ZNF701: variants seen among roughly 807,000 people sequenced by gnomAD.
ZNF701 encodes zinc finger protein 701.
ZNF701 carries 6 observed loss-of-function variants against 7.1 expected under a neutral mutation model. The ratio of observed to expected loss-of-function variants is 0.84; its 90% confidence interval spans 0.46 to 1.66. ZNF701 has a LOEUF of 1.66. ZNF701 is among the 40% of genes most tolerant of loss of function. ZNF701 has a pLI of 0.01. For missense variants in ZNF701, 541 were observed against 559.2 expected (o/e 0.97, Z 0.33); for synonymous variants, 166 against 188.2 (o/e 0.88, Z 0.97).
chr19:52,597,346 G>A, the ZNF701 span: 2 of 540,048 alleles, frequency 3.7e-6, no homozygotes, highest in South Asian at 1.4e-5. Flanking sequence ...TCTTACAAAT[G>A]TCTTAAGTGT....
At position 52,582,632 on chromosome 19, in the gene ZNF701, G is replaced by A. The variant is rs2059982988; in HGVS notation, c.573G>A (p.Lys191=). The A allele has an allele frequency of 6.2e-7, 1 of 1,613,974 alleles. No homozygotes were observed. Among genetic ancestry groups the A allele is most frequent in the Admixed American group, 1.7e-5 (1 of 59,994 alleles). The part of the protein sequence containing the change: ...SCRPKTRISN[K]YRNNFLQSSL... ...GGCCAAAAACTCGTATTTCTAATAA[G>A]TATAGGAATAATTTCCTCCAGTCTT... The change falls in exon 4 of 4, where the codon AAG becomes AAA. Residue 191 remains lysine (K), a synonymous_variant. Coordinates refer to ENST00000391785, the MANE Select transcript of ZNF701 (RefSeq NM_018260.3).
rs1316728152 is a variant in ZNF701 at position 52,582,450 on chromosome 19, G to C, written c.391G>C (p.Ala131Pro). Residue 131 changes from alanine (A) to proline (P), a missense_variant, in exon 4 of 4, where the codon GCT (alanine) becomes CCT (proline). By Grantham distance (27) the Ala-to-Pro change is conservative (BLOSUM62 -1). Coordinates refer to ENST00000391785, the MANE Select transcript of ZNF701 (RefSeq NM_018260.3). ...SSTERHDQRH[A>P]GNKPIKNELG... ...TACAGAGCGACATGATCAAAGGCAT[G>C]CTGGAAACAAACCTATTAAAAATGA... 1.4e-5 allele frequency: 22 copies of C among 1,614,042 alleles called. No homozygotes were observed. The highest frequency in any genetic ancestry group is 1.8e-5 in the Non-Finnish European group (21 of 1,180,032).
intron 2 of ZNF701, among the ~76,000 whole-genome samples, chr19:52,574,898 A>G (rs1045324000): frequency 2.0e-5 from 3 of 152,164 alleles, no homozygotes; most frequent in African/African-American, 4.8e-5. Flanking sequence ...GCAGCTGCCA[A>G]ATTATCCTTT....
intron 3 of ZNF701, among the ~76,000 whole-genome samples, chr19:52,581,992 A>G (rs559856884): frequency 1.1e-3 from 164 of 152,316 alleles, no homozygotes; most frequent in African/African-American, 3.8e-3. Context: ...TCGTCATGAT[A>G]TTGGAAATAG....
chr19:52,599,891 C>A, the ZNF701 span, among the ~76,000 whole-genome samples: 7 of 152,260 alleles, frequency 4.6e-5, no homozygotes, highest in East Asian at 1.4e-3. Context: ...GTTTCTCCCC[C>A]TCCCTCAGGA....
At chr19:52,577,829 C>T (rs1568502548) in intron 3 of ZNF701, among the ~76,000 whole-genome samples, 1 of 152,082 alleles carries the variant, frequency 6.6e-6, no homozygotes, top group Non-Finnish European at 1.5e-5. Flanking sequence ...CTAAACCCCT[C>T]CCTGTGGTGC....
At chr19:52,589,531 G>A (rs925976129), downstream of ZNF701, among the ~76,000 whole-genome samples, 6 of 149,790 alleles carry the variant, frequency 4.0e-5, no homozygotes, top group Admixed American at 1.3e-4. Flanking sequence ...CCAGGCTGGA[G>A]TGTAATGGCA....
chr19:52,599,472 G>T, the ZNF701 span, among the ~76,000 whole-genome samples: 1 of 152,150 alleles, frequency 6.6e-6, no homozygotes, highest in African/African-American at 2.4e-5. Context: ...TAATTAAGAA[G>T]ACTAAGTAGC....
downstream of ZNF701, among the ~76,000 whole-genome samples, chr19:52,589,827 T>A (rs192443864): frequency 2.0e-5 from 3 of 152,296 alleles, no homozygotes; most frequent in South Asian, 6.2e-4. Flanking sequence ...GAAGTCTTGC[T>A]CTGTTGCCAG....
the ZNF701 span, chr19:52,596,056 T>C: frequency 9.8e-6 from 13 of 1,328,322 alleles, no homozygotes; most frequent in Non-Finnish European, 1.4e-5. Context: ...ATGGGAAGAA[T>C]TTCCTCTATT....
At chr19:52,596,008 A>C in the ZNF701 span, 2 of 1,575,108 alleles carry the variant, frequency 1.3e-6, no homozygotes, top group African/African-American at 1.3e-5. Flanking sequence ...CAACATCCCA[A>C]ATAATTTGTA....
chr19:52,571,613 A>T (rs2059900527), intron 1 of ZNF701, among the ~76,000 whole-genome samples: 1 of 149,670 alleles, frequency 6.7e-6, no homozygotes, highest in Non-Finnish European at 1.5e-5. Context: ...ACCCGCCTCG[A>T]CCTCCCAAAG....
chr19:52,577,975 C>A (rs2059946774), intron 3 of ZNF701, among the ~76,000 whole-genome samples: 2 of 152,012 alleles, frequency 1.3e-5, no homozygotes, highest in African/African-American at 4.8e-5. Context: ...CATAGAAGAG[C>A]CGGGCGCAGT....
At chr19:52,580,483 C>G (rs1321907260) in intron 3 of ZNF701, among the ~76,000 whole-genome samples, 1 of 152,018 alleles carries the variant, frequency 6.6e-6, no homozygotes, top group Admixed American at 6.6e-5. Flanking sequence ...CCTCAGACCC[C>G]CAAAGTGCTG....
At chr19:52,599,841 A>T in the ZNF701 span, among the ~76,000 whole-genome samples, 1 of 152,260 alleles carries the variant, frequency 6.6e-6, no homozygotes, top group Middle Eastern at 3.4e-3. Context: ...CCCTGTCGCC[A>T]TGTTGTAAAA....
intron 2 of ZNF701, 78 bp downstream of exon 2, chr19:52,574,240 G>T: frequency 1.3e-6 from 2 of 1,579,272 alleles, no homozygotes. Context: ...AATCTTCTCT[G>T]AGTCTCAAGT....
chr19:52,583,423 G>A lies in ZNF701; in HGVS notation c.1364G>A (p.Arg455His), dbSNP rs373732726. 1.9e-5 allele frequency: 30 copies of A among 1,613,206 alleles called. No individual in the cohort carries two copies. The highest frequency in any genetic ancestry group is 2.2e-5 in the East Asian group (1 of 44,846). Residue 455 changes from arginine to histidine, a missense_variant, in exon 4 of 4, where the codon CGT (arginine) becomes CAT (histidine). Transcript: ENST00000391785. The stretch of plus-strand genomic sequence containing the variant: ...TTTAATCGAAAATCAAACCTTGAAC[G>A]TCATCATAGACTTCATACTGGAAAG... ...KVFNRKSNLE[R>H]HHRLHTGKKS
rs1280110796 is a variant in ZNF701, at chr19:52,585,887, G to A, written c.*2430G>A. The A allele has an allele frequency of 6.6e-6, 1 of 152,326 alleles. No homozygotes were observed. The highest frequency in any genetic ancestry group is 2.4e-5 in the African/African-American group (1 of 41,480). The allele number at this position is 152,326 out of a possible 1,614,324, so 9.4% of individuals were successfully genotyped here. A position where few individuals can be genotyped will look rare whatever the true frequency, so the allele number is the denominator to read the frequency against. On this transcript the variant is annotated 3_prime_UTR_variant, in exon 4 of 4. Transcript: ENST00000391785. ...TTTCCACCTGCGACCTGGTGGAAGG[G>A]GGAGGGTGTTAGGGAGAGTAGCCTT...
At chr19:52,571,418 G>GCA (rs1403313147) in intron 1 of ZNF701, among the ~76,000 whole-genome samples, 1 of 152,142 alleles carries the variant, frequency 6.6e-6, no homozygotes, top group East Asian at 1.9e-4. Flanking sequence ...CGGCAGAGAT[G>GCA]CAGAGATGGG....
Sources: allele counts gnomAD v4.1 joint callset (sites outside exome capture counted in the v4.1 genomes callset), GRCh38; gene constraint gnomAD v4.1.1; transcripts MANE v1.5; gene names NCBI Gene and HGNC (gene_info 2026-07-23, HGNC 2026-07-21).